MED27: variants seen among roughly 807,000 people sequenced by gnomAD.
MED27 encodes the protein mediator complex subunit 27.
MED27 carries 30 observed loss-of-function variants against 38.2 expected under a neutral mutation model. The observed-to-expected ratio is 0.79, with a 90% CI of 0.59 to 1.07. The LOEUF is 1.07. Ranked by LOEUF, MED27 falls within the 50% of genes least tolerant of loss-of-function variation. The pLI is 0.00. For missense variants in MED27, 289 were observed against 397.5 expected, an observed-to-expected ratio of 0.73 and a Z score of 2.32; for synonymous variants, 122 against 153.5, an observed-to-expected ratio of 0.79 and a Z score of 1.52.
rs997697100 is a variant in MED27 at position 131,913,614 on chromosome 9, C to A, written c.574-19622G>T. Among the ~76,000 whole-genome samples the A allele has an allele frequency of 1.3e-5, 2 of 152,138 alleles. No individual in the cohort carries two copies. The highest frequency in any genetic ancestry group is 4.8e-5 in the African/African-American group (2 of 41,430). ...CTCCCTGTTTGAAAGGCCGTTTGTTCGGCTTACCACAGTTGCATCCCTCCC... is the reference window on the plus strand; with the variant it reads ...CTCCCTGTTTGAAAGGCCGTTTGTTAGGCTTACCACAGTTGCATCCCTCCC... On this transcript the variant is annotated intron_variant, in intron 4 of 7. Coordinates refer to ENST00000292035, the MANE Select transcript of MED27 (RefSeq NM_004269.4). The surrounding 1 kb of genome is among the most constrained non-coding windows in gnomAD (Gnocchi z 4.5).
Position 131,978,017 on chromosome 9 carries a change from A to G in MED27, c.479+36320T>C, listed in dbSNP as rs183429576. On this transcript the variant is annotated intron_variant, in intron 3 of 7. Transcript: ENST00000292035. ...TAAGCGGCAGCTAACGTCATCAAAAAGAGAGACAACCAGACATTTTGTGCC... is the reference window on the plus strand; with the variant it reads ...TAAGCGGCAGCTAACGTCATCAAAAGGAGAGACAACCAGACATTTTGTGCC... 4.6e-5 allele frequency among the ~76,000 whole-genome samples: 7 copies of G among 152,356 alleles called. No individual in the cohort carries two copies. The East Asian group carries it at 1.2e-3, about 25-fold the overall frequency.
intron 4 of MED27, among the ~76,000 whole-genome samples, chr9:131,938,907 G>A (rs961953102): frequency 5.3e-5 from 8 of 151,946 alleles, no homozygotes; most frequent in African/African-American, 1.9e-4. Flanking sequence ...TAGAGATGGG[G>A]TTTCACTGTG....
intron 2 of MED27, among the ~76,000 whole-genome samples, chr9:132,034,598 T>G (rs1233316834): frequency 6.6e-6 from 1 of 152,198 alleles, no homozygotes; most frequent in Non-Finnish European, 1.5e-5. Flanking sequence ...GAATGGAACC[T>G]CAGCGCGATA....
intron 2 of MED27, among the ~76,000 whole-genome samples, chr9:132,039,540 G>A (rs866123582): frequency 1.4e-4 from 21 of 152,320 alleles, no homozygotes; most frequent in South Asian, 4.1e-4. Context: ...GAGGTACTGA[G>A]CGAAAAGAAG....
chr9:131,986,999 A>ATTTTTTTTTT (rs66519112), intron 3 of MED27, among the ~76,000 whole-genome samples: 6 of 46,224 alleles, frequency 1.3e-4, no homozygotes, highest in African/African-American at 1.7e-4. Context: ...GAGTTCATGG[A>ATTTTTTTTTT]TTTTTTTTTT....
At chr9:132,068,588 G>A (rs1203184313) in intron 2 of MED27, among the ~76,000 whole-genome samples, 3 of 152,142 alleles carry the variant, frequency 2.0e-5, no homozygotes, top group Non-Finnish European at 4.4e-5. Context: ...GCTGTGAAGA[G>A]GGGAAATCAA....
chr9:132,078,811 CTT>C, intron 1 of MED27, among the ~76,000 whole-genome samples: 1 of 152,196 alleles, frequency 6.6e-6, no homozygotes, highest in East Asian at 1.9e-4. Context: ...GACTGACTCT[CTT>C]ATAAAACAGA....
At chr9:132,020,564 T>C (rs903168149) in intron 2 of MED27, among the ~76,000 whole-genome samples, 4 of 152,228 alleles carry the variant, frequency 2.6e-5, no homozygotes, top group African/African-American at 9.6e-5. Context: ...CAGGAAACTT[T>C]GTCACCACTG....
intron 3 of MED27, among the ~76,000 whole-genome samples, chr9:131,947,110 T>G (rs759547934): frequency 5.4e-4 from 82 of 152,276 alleles, no homozygotes; most frequent in Non-Finnish European, 1.1e-3. Context: ...ATTTCCTGAA[T>G]GAACAGACTG....
chr9:131,893,939 A>T lies in MED27; in HGVS notation c.627T>A (p.Ile209=), dbSNP rs1224975351. 1.2e-6 allele frequency: 2 copies of T among 1,614,210 alleles called. No homozygotes were observed. Among genetic ancestry groups the T allele is most frequent in the Admixed American group, 1.7e-5 (1 of 60,030 alleles). ...TATATCCCTTTACTATTGTTCGATC[A>T]ATGAACAGGCTCCGCATGACGACGA... ...KVIVVMRSLF[I]DRTIVKGYNE... is the part of the protein sequence containing the mutation. The change falls in exon 5 of 8, where the codon ATT becomes ATA. Residue 209 remains isoleucine, a synonymous_variant. Transcript: ENST00000292035.
chr9:132,073,798 G>A (rs920421459), intron 2 of MED27: 97 of 1,481,834 alleles, frequency 6.5e-5, no homozygotes, highest in Middle Eastern at 3.5e-4. Context: ...GCAGCACCTC[G>A]CTCTGGGCCC....
chr9:132,067,765 G>A (rs1253323837), intron 2 of MED27, among the ~76,000 whole-genome samples: 4 of 152,250 alleles, frequency 2.6e-5, no homozygotes, highest in South Asian at 2.1e-4. Context: ...AGGCTGGAGC[G>A]CAGTGGTGTG....
In MED27 at chr9:131,917,355, T is replaced by C. The variant is rs566838233; in HGVS notation, c.573+22026A>G. The stretch of plus-strand genomic sequence containing the variant: ...AACTGAGGCCGGGTTATACAGACCA[T>C]GTACACCACCTATCCTAGAAAGGGG... On this transcript the variant is annotated intron_variant, in intron 4 of 7. Coordinates refer to ENST00000292035, the MANE Select transcript of MED27 (RefSeq NM_004269.4). The surrounding 1 kb of genome is among the most constrained non-coding windows in gnomAD (Gnocchi z 4.6). 1.3e-5 allele frequency among the ~76,000 whole-genome samples: 2 copies of C among 152,080 alleles called. No homozygotes were observed. Among genetic ancestry groups the C allele is most frequent in the South Asian group, 4.2e-4 (2 of 4,804 alleles).
chr9:131,992,883 G>A (rs1189864790), intron 3 of MED27, among the ~76,000 whole-genome samples: 2 of 152,132 alleles, frequency 1.3e-5, no homozygotes, highest in African/African-American at 4.8e-5. Flanking sequence ...TACACAAGCA[G>A]CTAGCACTTA....
chr9:132,016,169 G>T (rs1044840816), intron 2 of MED27, among the ~76,000 whole-genome samples: 2 of 152,146 alleles, frequency 1.3e-5, no homozygotes, highest in African/African-American at 4.8e-5. Flanking sequence ...CTCACCTAAA[G>T]CCATAGGGCT....
chr9:132,075,961 TCC>T (rs1304962528), intron 2 of MED27, among the ~76,000 whole-genome samples: 1 of 152,152 alleles, frequency 6.6e-6, no homozygotes, highest in Non-Finnish European at 1.5e-5. Flanking sequence ...GAGCTGAGGA[TCC>T]CACCCACGGG....
intron 2 of MED27, among the ~76,000 whole-genome samples, chr9:132,058,729 C>T (rs1833635305): frequency 6.6e-6 from 1 of 152,210 alleles, no homozygotes; most frequent in Non-Finnish European, 1.5e-5. Flanking sequence ...ACACAAATAT[C>T]TGGGCTCTCC....
intron 4 of MED27, among the ~76,000 whole-genome samples, chr9:131,904,229 G>C (rs1830008257): frequency 6.6e-6 from 1 of 151,882 alleles, no homozygotes; most frequent in Non-Finnish European, 1.5e-5. Flanking sequence ...TGTAGAGATG[G>C]GGTTTTGCCA....
Position 132,015,061 on chromosome 9 carries a change from G to A in MED27, c.349-594C>T, listed in dbSNP as rs1471371399. 9.2e-5 allele frequency among the ~76,000 whole-genome samples: 14 copies of A among 152,098 alleles called. No homozygotes were observed. The South Asian group carries it at 2.1e-3, about 23-fold the overall frequency. On this transcript the variant is annotated intron_variant, in intron 2 of 7. Transcript: ENST00000292035. ...AAAACCATAGAATTTGTAGTCTACCGCAGTACACCATGACCACGACATGGC... is the reference window on the plus strand; with the variant it reads ...AAAACCATAGAATTTGTAGTCTACCACAGTACACCATGACCACGACATGGC...
Sources: allele counts gnomAD v4.1 joint callset (sites outside exome capture counted in the v4.1 genomes callset), GRCh38; gene constraint gnomAD v4.1.1; non-coding constraint Gnocchi (gnomAD v3.1); transcripts MANE v1.5; gene names NCBI Gene and HGNC (gene_info 2026-07-23, HGNC 2026-07-21).